The following HCN4 variants were observed in gnomAD, a reference collection of about 807,000 sequenced individuals.
HCN4 encodes the protein hyperpolarization activated cyclic nucleotide gated potassium channel 4.
A neutral mutation model predicts 76.9 loss-of-function variants in HCN4; 29 were observed. That is an observed-to-expected ratio of 0.38 (90% CI 0.28 to 0.51). The LOEUF is 0.51. Ranked by LOEUF, HCN4 falls within the 20% of genes least tolerant of loss-of-function variation. HCN4 has a pLI of 0.90. For missense variants in HCN4, 1,416 were observed against 1,715.2 expected, an observed-to-expected ratio of 0.83 and a Z score of 3.08; for synonymous variants, 772 against 762.5, an observed-to-expected ratio of 1.01 and a Z score of -0.21.
In HCN4 at chr15:73,322,220, G is replaced by C; in HGVS notation, c.*261C>G. The stretch of plus-strand genomic sequence containing the variant: ...CCCCATCTGCCTTTCTCTGGCTTTT[G>C]CATTTGGGACCTGCCTGCTCCCTCC... On this transcript the variant is annotated 3_prime_UTR_variant, in exon 8 of 8. Transcript: ENST00000261917. The C allele has an allele frequency of 3.0e-6, 1 of 329,070 alleles. No homozygotes were observed. Among genetic ancestry groups the C allele is most frequent in the South Asian group, 2.6e-5 (1 of 38,470 alleles). 20.4% of individuals were successfully genotyped at this position (329,070 alleles called of 1,614,324 possible). A position where few individuals can be genotyped will look rare whatever the true frequency, so the allele number is the denominator to read the frequency against.
At chr15:73,341,384 C>T (rs868425455) in intron 2 of HCN4, among the ~76,000 whole-genome samples, 2 of 152,090 alleles carry the variant, frequency 1.3e-5, no homozygotes, top group African/African-American at 4.8e-5. Context: ...TCAAGCAATC[C>T]ACCCATCTCG....
At chr15:73,336,170 A>G (rs2042964393) in intron 2 of HCN4, among the ~76,000 whole-genome samples, 1 of 152,042 alleles carries the variant, frequency 6.6e-6, no homozygotes, top group Non-Finnish European at 1.5e-5. Context: ...GCTGGACAGC[A>G]CGGCTGGTAG....
In HCN4 at chr15:73,367,690, G is replaced by A. The variant is rs773676799; in HGVS notation, c.581C>T (p.Ala194Val). The part of the protein sequence containing the change: ...VDTAIKVEGG[A>V]AAGDQILPEA... The stretch of plus-strand genomic sequence containing the variant: ...CGGGAGGATCTGGTCGCCGGCAGCC[G>A]CGCCTCCCTCCACTTTGATAGCGGT... The change falls in exon 1 of 8, where the codon GCG (alanine) becomes GTG (valine). Residue 194 changes from alanine (A) to valine (V), a missense_variant. Physicochemically the swap from Ala to Val is moderately conservative, Grantham distance 64. Coordinates refer to ENST00000261917, the MANE Select transcript of HCN4 (RefSeq NM_005477.3). This position sits in a 1 kb window ranked among gnomAD's most constrained non-coding sequence, Gnocchi z 7.5. 12 of 1,601,672 alleles carry A rather than the reference G, an allele frequency of 7.5e-6. No individual in the cohort carries two copies. The highest frequency in any genetic ancestry group is 6.7e-5 in the Admixed American group (4 of 59,940).
chr15:73,326,715 G>A (rs994173693), intron 4 of HCN4, among the ~76,000 whole-genome samples: 4 of 152,044 alleles, frequency 2.6e-5, no homozygotes, highest in African/African-American at 9.7e-5. Context: ...AGCCACAGAC[G>A]CCTTGACTCT....
chr15:73,323,065 C>T lies in HCN4; in HGVS notation c.3028G>A (p.Ala1010Thr), dbSNP rs748634893. The T allele has an allele frequency of 2.6e-6, 4 of 1,547,386 alleles. No homozygotes were observed. The highest frequency in any genetic ancestry group is 3.5e-6 in the Non-Finnish European group (4 of 1,152,094). ...QPEPPSLVAG[A>T]SGGASPVGFT... Reference sequence around the variant, plus strand: ...CCTACAGGGGAAGCCCCCCCAGAGGCCCCTGCCACAAGGGACGGCGGCTCA... The same window carrying T: ...CCTACAGGGGAAGCCCCCCCAGAGGTCCCTGCCACAAGGGACGGCGGCTCA... Residue 1010 changes from alanine to threonine, a missense_variant, in exon 8 of 8, where the codon GCC becomes ACC. Transcript: ENST00000261917.
chr15:73,356,228 C>T (rs1237633844), intron 1 of HCN4, among the ~76,000 whole-genome samples: 1 of 150,708 alleles, frequency 6.6e-6, no homozygotes, highest in Admixed American at 6.6e-5. Context: ...ACTCTGTAGC[C>T]CAGGCTGGAG....
At chr15:73,339,945 G>C (rs2042990405) in intron 2 of HCN4, among the ~76,000 whole-genome samples, 1 of 152,202 alleles carries the variant, frequency 6.6e-6, no homozygotes, top group Admixed American at 6.5e-5. Context: ...TTTCTTCCCA[G>C]CTGGTAGGAG....
chr15:73,324,103 C>A lies in HCN4; in HGVS notation c.2129G>T (p.Arg710Leu). 6.2e-7 allele frequency: 1 copy of A among 1,613,166 alleles called. No homozygotes were observed. ...CTCCCCCTCACCAATGCGGTCCAGGCGGTCCAGCGCCACGGTCTCGAAGGC... is the reference window on the plus strand; with the variant it reads ...CTCCCCCTCACCAATGCGGTCCAGGAGGTCCAGCGCCACGGTCTCGAAGGC... The part of the protein sequence containing the change: ...RRAFETVALD[R>L]LDRIGKKNSI... Residue 710 changes from arginine (R) to leucine (L), a missense_variant, in exon 7 of 8, where the codon CGC becomes CTC. By Grantham distance (102) the Arg-to-Leu change is moderately radical. This residue lies in a region of HCN4 where 241 missense variants were observed against 379.4 expected (regional missense o/e 0.64). Coordinates refer to ENST00000261917, the MANE Select transcript of HCN4 (RefSeq NM_005477.3).
At chr15:73,344,463 T>A (rs1567787517) in intron 1 of HCN4, among the ~76,000 whole-genome samples, 1 of 152,172 alleles carries the variant, frequency 6.6e-6, no homozygotes, top group Non-Finnish European at 1.5e-5. Context: ...CATCCACCTT[T>A]AGTCCATCCC....
intron 1 of HCN4, among the ~76,000 whole-genome samples, chr15:73,345,219 G>T (rs1464077637): frequency 6.6e-6 from 1 of 152,196 alleles, no homozygotes; most frequent in African/African-American, 2.4e-5. Context: ...AAATGGGGCT[G>T]TGATTCAAGG....
Position 73,336,591 on chromosome 15 carries a change from G to A in HCN4, c.1210-4299C>T, listed in dbSNP as rs79105636. Reference sequence around the variant, plus strand: ...CATCTCACAATTGGTGTCGCTGTTCGTGAGGCTGAGCAACAAAAACCCACC... The same window carrying A: ...CATCTCACAATTGGTGTCGCTGTTCATGAGGCTGAGCAACAAAAACCCACC... On this transcript the variant is annotated intron_variant, in intron 2 of 7. Transcript: ENST00000261917. Among the ~76,000 whole-genome samples the A allele has an allele frequency of 3.5e-4, 54 of 152,178 alleles. No individual in the cohort carries two copies. The East Asian group carries it at 7.9e-3, about 22-fold the overall frequency.
intron 1 of HCN4, among the ~76,000 whole-genome samples, chr15:73,350,444 C>G (rs1157277424): frequency 2.0e-5 from 3 of 152,188 alleles, no homozygotes; most frequent in Non-Finnish European, 4.4e-5. Context: ...TGGCCTCATT[C>G]ACAGCCCTCA....
chr15:73,322,892 C>A lies in HCN4; in HGVS notation c.3201G>T (p.Gln1067His). 1 of 1,420,604 alleles carries A rather than the reference C, an allele frequency of 7.0e-7. No individual in the cohort carries two copies. The highest frequency in any genetic ancestry group is 9.3e-7 in the Non-Finnish European group (1 of 1,078,660). 88.0% of individuals were successfully genotyped at this position (1,420,604 alleles called of 1,614,324 possible). A position where few individuals can be genotyped will look rare whatever the true frequency, so the allele number is the denominator to read the frequency against. The stretch of plus-strand genomic sequence containing the variant: ...GGGTGAGCGGGGGTGTGCCCCGGCG[C>A]TGGGGGACCTGGGGTGGTGGGGGGC... ...ASSPPPPQVP[Q>H]RRGTPPLTPG... Residue 1067 changes from glutamine to histidine, a missense_variant, in exon 8 of 8, where the codon CAG becomes CAT. Coordinates refer to ENST00000261917, the MANE Select transcript of HCN4 (RefSeq NM_005477.3).
chr15:73,324,792 A>G (rs1030131331), intron 6 of HCN4, among the ~76,000 whole-genome samples, 163 bp downstream of exon 6: 3 of 152,132 alleles, frequency 2.0e-5, no homozygotes, highest in Admixed American at 6.5e-5. Flanking sequence ...CACTTTTGTT[A>G]CAAGAACCCA....
chr15:73,323,730 G>T lies in HCN4; in HGVS notation c.2363C>A (p.Thr788Asn). ...GGTGAGGGCTATGGCCACAGAAGTG[G>T]TGGCAGCGGCAGCCTGCAGTGGTGC... The part of the protein sequence containing the change: ...IQAPLQAAAA[T>N]TSVAIALTHH... The change falls in exon 8 of 8, where the codon ACC (threonine) becomes AAC (asparagine). Residue 788 changes from threonine (T) to asparagine (N), a missense_variant. This residue lies in a region of HCN4 where 633 missense variants were observed against 579.8 expected (regional missense o/e 1.09). Coordinates refer to ENST00000261917, the MANE Select transcript of HCN4 (RefSeq NM_005477.3). The T allele has an allele frequency of 6.2e-7, 1 of 1,603,620 alleles. No individual in the cohort carries two copies. The highest frequency in any genetic ancestry group is 8.5e-7 in the Non-Finnish European group (1 of 1,175,196).
At chr15:73,324,383 A>G in intron 6 of HCN4, 130 bp from the exon 7 acceptor site, 2 of 973,428 alleles carry the variant, frequency 2.1e-6, no homozygotes, top group Non-Finnish European at 3.1e-6. Context: ...CTGCCCCCAG[A>G]CTGCGGCCAC....
At chr15:73,349,256 TGGA>T (rs2043042089) in intron 1 of HCN4, among the ~76,000 whole-genome samples, 1 of 152,134 alleles carries the variant, frequency 6.6e-6, no homozygotes, top group African/African-American at 2.4e-5. Context: ...ACAGTGAGAA[TGGA>T]GGAGGATGGC....
At chr15:73,361,139 T>G (rs1235832898) in intron 1 of HCN4, among the ~76,000 whole-genome samples, 3 of 152,186 alleles carry the variant, frequency 2.0e-5, no homozygotes, top group Non-Finnish European at 4.4e-5. Flanking sequence ...ACAGAGCACA[T>G]CTGGATGCTG....
At chr15:73,357,176 C>T (rs1449954526) in intron 1 of HCN4, among the ~76,000 whole-genome samples, 1 of 152,208 alleles carries the variant, frequency 6.6e-6, no homozygotes, top group East Asian at 1.9e-4. Context: ...CAACCCCTCT[C>T]TGGTCCCATT....
Sources: gnomAD v4.1 joint callset for allele counts (sites outside exome capture counted in the v4.1 genomes callset) on GRCh38, gnomAD v4.1.1 for gene constraint, gnomAD v4.1.1 regional missense constraint, Gnocchi (gnomAD v3.1) non-coding constraint, MANE v1.5 for transcripts, NCBI Gene and HGNC (gene_info 2026-07-23, HGNC 2026-07-21) for gene names.